TPPP: variants seen among roughly 807,000 people sequenced by gnomAD.
The protein encoded by TPPP is tubulin polymerization promoting protein.
In TPPP, 6 loss-of-function variants were observed where a neutral mutation model predicts 15.5. That is an observed-to-expected ratio of 0.39 (90% CI 0.21 to 0.77). The LOEUF is 0.77. Among genes scored for constraint, TPPP ranks in the 30% least tolerant of loss-of-function variants. The pLI, the probability that TPPP is intolerant of heterozygous loss-of-function variation, is 0.42. For synonymous variants in TPPP, 146 were observed against 133.9 expected (o/e 1.09, Z -0.63); for missense variants, 269 against 307.2 (o/e 0.88, Z 0.93).
intron 1 of TPPP, among the ~76,000 whole-genome samples, chr5:684,786 G>A (rs1251522119): frequency 6.6e-6 from 1 of 152,138 alleles, no homozygotes; most frequent in Non-Finnish European, 1.5e-5. Context: ...CCTGCTCCGC[G>A]GGACTCTCCC....
At chr5:681,458 C>T (rs774339834) in intron 1 of TPPP, among the ~76,000 whole-genome samples, 3 of 152,306 alleles carry the variant, frequency 2.0e-5, no homozygotes, top group Non-Finnish European at 2.9e-5. Flanking sequence ...GCCCGCCATC[C>T]CAGTTGTGCC....
chr5:666,129 G>GGGGCACAGGCGACTTC lies in TPPP; in HGVS notation c.312-7_312-6insGAAGTCGCCTGTGCCC. 3.1e-6 allele frequency: 5 copies of GGGGCACAGGCGACTTC among 1,606,620 alleles called. No homozygotes were observed. Among genetic ancestry groups the GGGGCACAGGCGACTTC allele is most frequent in the Non-Finnish European group, 4.2e-6 (5 of 1,178,404 alleles). On this transcript the variant is annotated splice_polypyrimidine_tract_variant and splice_region_variant and intron_variant, in intron 2 of 3. Coordinates refer to ENST00000360578, the MANE Select transcript of TPPP (RefSeq NM_007030.3). ...TGGTCCGGCAAGACTTCCCTCTACA[G>GGGGCACAGGCGACTTC]GGGCACAGGCGACTTAGGGCTGGGC...
intron 2 of TPPP, among the ~76,000 whole-genome samples, chr5:669,102 G>A (rs74856554): frequency 0.011 from 1,689 of 152,340 alleles, 28 homozygotes; most frequent in African/African-American, 0.038. Flanking sequence ...AGACCCTCAC[G>A]CCTCATGGGG....
intron 2 of TPPP, 78 bp from the exon 3 acceptor site, chr5:666,201 G>T: frequency 6.5e-7 from 1 of 1,528,094 alleles, no homozygotes; most frequent in Non-Finnish European, 8.8e-7. Flanking sequence ...TCTGAGCAGA[G>T]CTGGACAGCC....
Position 663,792 on chromosome 5 carries a change from C to T in TPPP, c.*1310G>A, listed in dbSNP as rs549765265. 5 of 152,522 alleles carry T rather than the reference C, an allele frequency of 3.3e-5. No homozygotes were observed. Among genetic ancestry groups the T allele is most frequent in the South Asian group, 4.1e-4 (2 of 4,838 alleles). 9.4% of individuals were successfully genotyped at this position (152,522 alleles called of 1,614,324 possible). A position where few individuals can be genotyped will look rare whatever the true frequency, so the allele number is the denominator to read the frequency against. ...TCCCCAGGACTGCCGCAGGCTCATC[C>T]GCAGGTAGACTCCAGAACCACGGCC... On this transcript the variant is annotated 3_prime_UTR_variant, in exon 4 of 4. Coordinates refer to ENST00000360578, the MANE Select transcript of TPPP (RefSeq NM_007030.3).
At chr5:668,351 G>T (rs61495967) in intron 2 of TPPP, among the ~76,000 whole-genome samples, 2 of 92,722 alleles carry the variant, frequency 2.2e-5, no homozygotes, top group African/African-American at 1.1e-4. Context: ...AGGGAAGTGC[G>T]GACAAGCACA....
Position 674,091 on chromosome 5 carries a change from C to T in TPPP, c.311+3659G>A, listed in dbSNP as rs547682626. ...CATGGGGCCGGCCCTGCAGGGCTGA[C>T]GGCCCCTGGACAGGCTCTTCCTACC... On this transcript the variant is annotated intron_variant, in intron 2 of 3. Transcript: ENST00000360578. 4.6e-5 allele frequency among the ~76,000 whole-genome samples: 7 copies of T among 152,378 alleles called. 1 individual carries two copies. The highest frequency in any genetic ancestry group is 1.9e-4 in the East Asian group (1 of 5,188).
chr5:697,917 T>C (rs1037838676), upstream of TPPP, among the ~76,000 whole-genome samples: 1 of 144,162 alleles, frequency 6.9e-6, no homozygotes, highest in African/African-American at 2.6e-5. Flanking sequence ...CCTGTGAATA[T>C]AGATGCAAAA....
the TPPP span, among the ~76,000 whole-genome samples, chr5:698,754 C>T: frequency 6.6e-6 from 1 of 151,904 alleles, no homozygotes; most frequent in African/African-American, 2.4e-5. Flanking sequence ...GATTTGGGTG[C>T]GGACACAGCC....
intron 2 of TPPP, among the ~76,000 whole-genome samples, chr5:670,053 G>A (rs1474952259): frequency 2.0e-5 from 3 of 150,976 alleles, no homozygotes; most frequent in Non-Finnish European, 4.4e-5. Flanking sequence ...GCCCTGCGGG[G>A]CCTGGACTTG....
chr5:677,907 C>A lies in TPPP; in HGVS notation c.154G>T (p.Glu52Ter). 6.2e-7 allele frequency: 1 copy of A among 1,612,846 alleles called. No homozygotes were observed. Among genetic ancestry groups the A allele is most frequent in the African/African-American group, 1.3e-5 (1 of 75,064 alleles). ...ACGGCAAAGCGCCGGAAGGCCTCCT[C>A]CAGGGCACTGAGCTCAGGGGATGCG... The part of the protein sequence containing the change: ...AAASPELSAL[E>*]EAFRRFAVHG... Residue 52 changes from glutamate (E) to a stop codon, truncating the protein, a stop_gained, in exon 2 of 4, where the codon GAG (glutamate) becomes TAG (stop). Coordinates refer to ENST00000360578, the MANE Select transcript of TPPP (RefSeq NM_007030.3). LOFTEE classifies it high-confidence loss of function.
At chr5:698,769 C>T in the TPPP span, among the ~76,000 whole-genome samples, 4 of 151,854 alleles carry the variant, frequency 2.6e-5, no homozygotes, top group African/African-American at 4.8e-5. Context: ...ACAGCCAAAC[C>T]GTATTACGAC....
chr5:678,830 T>A (rs998598365), intron 1 of TPPP, among the ~76,000 whole-genome samples: 2 of 152,166 alleles, frequency 1.3e-5, no homozygotes, highest in African/African-American at 4.8e-5. Flanking sequence ...TTGAGAAGAC[T>A]GAGGGGTGCC....
rs1041306811 is a variant in TPPP at position 665,797 on chromosome 5, C to T, written c.465+173G>A. ...CCATTCATGCCCCTTCTGACCACAC[C>T]TCCTCAGACCCCACACCAGGCCACG... On this transcript the variant is annotated intron_variant, in intron 3 of 3. Transcript: ENST00000360578. The T allele has an allele frequency of 2.7e-5, 20 of 748,178 alleles. 2 individuals carry two copies. Among genetic ancestry groups the T allele is most frequent in the Middle Eastern group, 3.9e-4 (1 of 2,584 alleles). The allele number at this position is 748,178 out of a possible 1,614,324, so 46.3% of individuals were successfully genotyped here. A position where few individuals can be genotyped will look rare whatever the true frequency, so the allele number is the denominator to read the frequency against.
chr5:696,812 A>C (rs1269864020), upstream of TPPP, among the ~76,000 whole-genome samples: 1 of 125,490 alleles, frequency 8.0e-6, no homozygotes, highest in Non-Finnish European at 1.9e-5. Context: ...GTGAGTATGC[A>C]TGCCGGTGTA....
intron 2 of TPPP, among the ~76,000 whole-genome samples, chr5:671,619 C>T (rs1169243064): frequency 6.6e-6 from 1 of 152,234 alleles, no homozygotes; most frequent in East Asian, 1.9e-4. Flanking sequence ...TGCTGCCCGG[C>T]CTGCAGGGTA....
chr5:681,178 T>C (rs1740610987), intron 1 of TPPP, among the ~76,000 whole-genome samples: 1 of 152,204 alleles, frequency 6.6e-6, no homozygotes, highest in Non-Finnish European at 1.5e-5. Flanking sequence ...TCCTCCACTT[T>C]CCCAGTTTCT....
intron 1 of TPPP, among the ~76,000 whole-genome samples, chr5:688,603 C>A (rs1261689323): frequency 6.7e-6 from 1 of 149,464 alleles, no homozygotes; most frequent in African/African-American, 2.5e-5. Flanking sequence ...GTGGACTGTG[C>A]CAGGTGCCAG....
intron 2 of TPPP, among the ~76,000 whole-genome samples, chr5:667,659 C>T (rs1261526706): frequency 6.6e-6 from 1 of 152,148 alleles, no homozygotes; most frequent in Non-Finnish European, 1.5e-5. Flanking sequence ...TGAGAAAGGA[C>T]TTGTCTCTGA....
Sources: gnomAD v4.1 joint callset for allele counts (sites outside exome capture counted in the v4.1 genomes callset) on GRCh38, gnomAD v4.1.1 for gene constraint, MANE v1.5 for transcripts, NCBI Gene and HGNC (gene_info 2026-07-23, HGNC 2026-07-21) for gene names.